The following SLCO1B3 variants were observed in gnomAD, a reference collection of about 807,000 sequenced individuals.
SLCO1B3 encodes the protein solute carrier organic anion transporter family member 1B3.
A neutral mutation model predicts 71.8 loss-of-function variants in SLCO1B3; 72 were observed. The observed-to-expected ratio is 1.00, with a 90% CI of 0.83 to 1.22. The LOEUF (loss-of-function observed/expected upper bound fraction) is 1.22, where lower values mean the gene tolerates loss of function less well. SLCO1B3 is among the 50% of genes most tolerant of loss of function. The pLI, the probability that SLCO1B3 is intolerant of heterozygous loss-of-function variation, is 0.00. For synonymous variants in SLCO1B3, 298 were observed against 278.4 expected, an observed-to-expected ratio of 1.07 and a Z score of -0.70; for missense variants, 911 against 819.7, an observed-to-expected ratio of 1.11 and a Z score of -1.36.
chr12:20,860,273 G>C (rs974110447), intron 5 of SLCO1B3, among the ~76,000 whole-genome samples: 4 of 152,024 alleles, frequency 2.6e-5, no homozygotes, highest in African/African-American at 9.7e-5. Context: ...TTTCTTTTTT[G>C]TGGGTGTGTG....
intron 3 of SLCO1B3, among the ~76,000 whole-genome samples, chr12:20,836,366 T>A (rs964653253): frequency 1.3e-5 from 2 of 152,224 alleles, no homozygotes; most frequent in Admixed American, 1.3e-4. Flanking sequence ...GGTATTTAAT[T>A]ATTTTATGTT....
At chr12:20,821,211 C>G (rs1864297512) in intron 3 of SLCO1B3, among the ~76,000 whole-genome samples, 1 of 152,198 alleles carries the variant, frequency 6.6e-6, no homozygotes, top group African/African-American at 2.4e-5. Context: ...AAAAGAATGC[C>G]TGGACATCAG....
chr12:20,831,627 T>A (rs1477577293), intron 3 of SLCO1B3, among the ~76,000 whole-genome samples: 2 of 152,236 alleles, frequency 1.3e-5, no homozygotes, highest in African/African-American at 2.4e-5. Context: ...ATAAAATTTT[T>A]AAATTATCAG....
chr12:20,810,955 T>C (rs1864100286), intron 1 of SLCO1B3, among the ~76,000 whole-genome samples, 191 bp downstream of exon 1: 1 of 152,178 alleles, frequency 6.6e-6, no homozygotes, highest in Non-Finnish European at 1.5e-5. Flanking sequence ...AGCCTCAGAT[T>C]TATATACTCA....
intron 11 of SLCO1B3, among the ~76,000 whole-genome samples, chr12:20,880,411 A>C (rs1249714236): frequency 6.6e-6 from 1 of 151,732 alleles, no homozygotes; most frequent in African/African-American, 2.4e-5. Flanking sequence ...TAACATGCAT[A>C]GATTCAGAGG....
intron 15 of SLCO1B3, among the ~76,000 whole-genome samples, chr12:20,913,082 A>C (rs1866417149): frequency 6.6e-6 from 1 of 152,098 alleles, no homozygotes. Context: ...TTGATGTAGT[A>C]GGTTACATCT....
At chr12:20,880,794 TCTG>T in intron 11 of SLCO1B3, 58 bp from the exon 12 acceptor site, 1 of 1,211,710 alleles carries the variant, frequency 8.3e-7, no homozygotes, top group Non-Finnish European at 1.2e-6. Flanking sequence ...GTCTCCCTCT[TCTG>T]CTCTTTCTCT....
intron 4 of SLCO1B3, among the ~76,000 whole-genome samples, chr12:20,855,742 T>C (rs1865120956): frequency 6.6e-6 from 1 of 150,688 alleles, no homozygotes; most frequent in African/African-American, 2.4e-5. Context: ...AGATTTTATA[T>C]AATAATTGAA....
At chr12:20,834,625 A>G (rs1355406024) in intron 3 of SLCO1B3, among the ~76,000 whole-genome samples, 2 of 151,994 alleles carry the variant, frequency 1.3e-5, no homozygotes, top group Admixed American at 6.6e-5. Context: ...TCTCTCTGGC[A>G]AACATCAGTG....
At chr12:20,841,787 C>T (rs1379871103) in intron 3 of SLCO1B3, among the ~76,000 whole-genome samples, 2 of 151,854 alleles carry the variant, frequency 1.3e-5, no homozygotes, top group Non-Finnish European at 2.9e-5. Flanking sequence ...TCCATGTGTA[C>T]TGTTGGGATT....
Position 20,826,230 on chromosome 12 carries a change from C to CTT in SLCO1B3, c.84+10416_84+10417dup, listed in dbSNP as rs35183047. Reference sequence around the variant, plus strand: ...TTTTATTTAGACCTTTAAGGTAAAACTTTTTTTTTATAATGTCAGGCCACA... The same window carrying CTT: ...TTTTATTTAGACCTTTAAGGTAAAACTTTTTTTTTTTATAATGTCAGGCCACA... On this transcript the variant is annotated intron_variant, in intron 3 of 15. Coordinates refer to ENST00000381545, the MANE Select transcript of SLCO1B3 (RefSeq NM_019844.4). Among the ~76,000 whole-genome samples the CTT allele has an allele frequency of 3.1e-3, 462 of 150,770 alleles. 1 individual carries two copies. The highest frequency in any genetic ancestry group is 5.0e-3 in the Non-Finnish European group (341 of 67,654).
Position 20,831,998 on chromosome 12 carries a change from T to C in SLCO1B3, c.84+16176T>C, listed in dbSNP as rs576241743. 3.3e-5 allele frequency among the ~76,000 whole-genome samples: 5 copies of C among 152,312 alleles called. No homozygotes were observed. The East Asian group carries it at 9.6e-4, about 29-fold the overall frequency. The stretch of plus-strand genomic sequence containing the variant: ...TAGGTATGGAAAAGGCAAATGAATT[T>C]CCCTAGTTCTCCCAGCTCGTGAAAG... On this transcript the variant is annotated intron_variant, in intron 3 of 15. Coordinates refer to ENST00000381545, the MANE Select transcript of SLCO1B3 (RefSeq NM_019844.4).
At chr12:20,901,881 A>G (rs1236377586) in intron 15 of SLCO1B3, 4 of 437,618 alleles carry the variant, frequency 9.1e-6, no homozygotes, top group Admixed American at 5.3e-5. Flanking sequence ...ACAAAGTTTC[A>G]TTACTCTTCT....
At chr12:20,830,307 G>A (rs1202154491) in intron 3 of SLCO1B3, among the ~76,000 whole-genome samples, 1 of 152,172 alleles carries the variant, frequency 6.6e-6, no homozygotes, top group Non-Finnish European at 1.5e-5. Context: ...TTTTGCAAAG[G>A]TTAAGGATGC....
chr12:20,870,648 C>T (rs1004754960), intron 8 of SLCO1B3, among the ~76,000 whole-genome samples: 1 of 152,132 alleles, frequency 6.6e-6, no homozygotes, highest in Non-Finnish European at 1.5e-5. Context: ...ACACAGATTT[C>T]TCTGGGCTCT....
chr12:20,838,838 C>T (rs1453227152), intron 3 of SLCO1B3, among the ~76,000 whole-genome samples: 1 of 151,382 alleles, frequency 6.6e-6, no homozygotes, highest in African/African-American at 2.4e-5. Flanking sequence ...TACTGTATTT[C>T]TGTCTTGTTC....
At chr12:20,815,157 G>A (rs1864170888) in intron 2 of SLCO1B3, among the ~76,000 whole-genome samples, 1 of 152,014 alleles carries the variant, frequency 6.6e-6, no homozygotes, top group South Asian at 2.1e-4. Context: ...AACTTTATCT[G>A]CTTTTTGAGC....
chr12:20,815,597 T>G (rs961426445), intron 2 of SLCO1B3, 77 bp from the exon 3 acceptor site: 1 of 588,854 alleles, frequency 1.7e-6, no homozygotes, highest in Non-Finnish European at 3.0e-6. Context: ...TTGATTGATA[T>G]TGAGCTTGTG....
At chr12:20,871,795 C>T (rs1475184061) in intron 8 of SLCO1B3, among the ~76,000 whole-genome samples, 1 of 152,072 alleles carries the variant, frequency 6.6e-6, no homozygotes, top group Non-Finnish European at 1.5e-5. Flanking sequence ...ATCCTTGTGG[C>T]CCCCCAACCA....
Sources: allele counts gnomAD v4.1 joint callset (sites outside exome capture counted in the v4.1 genomes callset), GRCh38; gene constraint gnomAD v4.1.1; transcripts MANE v1.5; gene names NCBI Gene and HGNC (gene_info 2026-07-23, HGNC 2026-07-21).